MDH2: variants seen among roughly 807,000 people sequenced by gnomAD.
MDH2 encodes the protein malate dehydrogenase, mitochondrial.
Under a neutral mutation model 33.6 loss-of-function variants are expected in MDH2, and 25 were observed. The ratio of observed to expected loss-of-function variants is 0.74; its 90% CI spans 0.54 to 1.04. MDH2 has a LOEUF of 1.04. Among genes scored for constraint, MDH2 ranks in the 50% least tolerant of loss-of-function variants. The pLI is 0.00. For synonymous variants in MDH2, 193 were observed against 188.7 expected (o/e 1.02, Z -0.19); for missense variants, 432 against 445.0 (o/e 0.97, Z 0.26).
chr7:76,048,340 C>T lies in MDH2; in HGVS notation c.66+114C>T. ...CAGGCCAGCCTGGACCGCAGGGATGCCCGGCACTGGCTGGAGACTGTGGCG... is the reference window on the plus strand; with the variant it reads ...CAGGCCAGCCTGGACCGCAGGGATGTCCGGCACTGGCTGGAGACTGTGGCG... On this transcript the variant is annotated intron_variant, in intron 1 of 8. Transcript: ENST00000315758. 2 of 1,383,664 alleles carry T rather than the reference C, an allele frequency of 1.4e-6. 1 individual carries two copies. The highest frequency in any genetic ancestry group is 2.9e-5 in the South Asian group (2 of 68,012). 85.7% of individuals were successfully genotyped at this position (1,383,664 alleles called of 1,614,324 possible).
intron 1 of MDH2, chr7:76,048,993 G>GGGGT: frequency 3.3e-6 from 1 of 303,688 alleles, no homozygotes; most frequent in Non-Finnish European, 4.1e-6. Context: ...GGGGGGGGGG[G>GGGGT]GGGGGTCCGC....
chr7:76,065,056 T>G, intron 8 of MDH2, 103 bp downstream of exon 8: 1 of 1,386,774 alleles, frequency 7.2e-7, no homozygotes. Context: ...TAAGCTCATG[T>G]GCCTGCCTGG....
At chr7:76,056,672 GT>G (rs1453599846) in intron 2 of MDH2, among the ~76,000 whole-genome samples, 2 of 152,216 alleles carry the variant, frequency 1.3e-5, no homozygotes, top group Non-Finnish European at 2.9e-5. Context: ...AATATTTAGA[GT>G]CTTTCAGCAC....
At chr7:76,050,664 G>A (rs1377920288) in intron 1 of MDH2, among the ~76,000 whole-genome samples, 2 of 152,320 alleles carry the variant, frequency 1.3e-5, no homozygotes, top group East Asian at 3.9e-4. Flanking sequence ...TCTTAGGAGT[G>A]AGAGAAAGGT....
rs1462082487 is a variant in MDH2 at position 76,066,563 on chromosome 7, G to A, written c.*153G>A. 28 of 920,972 alleles carry A rather than the reference G, an allele frequency of 3.0e-5. No individual in the cohort carries two copies. The highest frequency in any genetic ancestry group is 5.1e-5 in the African/African-American group (3 of 58,480). The allele number at this position is 920,972 out of a possible 1,614,324, so 57.1% of individuals were successfully genotyped here. A position where few individuals can be genotyped will look rare whatever the true frequency, so the allele number is the denominator to read the frequency against. Reference sequence around the variant, plus strand: ...CCAAATTGTGGGTGGCTCTGTGGGCGCATCAATAAAAGCCGTCCTTGATTT... The same window carrying A: ...CCAAATTGTGGGTGGCTCTGTGGGCACATCAATAAAAGCCGTCCTTGATTT... On this transcript the variant is annotated 3_prime_UTR_variant, in exon 9 of 9. Transcript: ENST00000315758.
At chr7:76,060,799 G>C (rs1554586908) in intron 5 of MDH2, among the ~76,000 whole-genome samples, 1 of 151,854 alleles carries the variant, frequency 6.6e-6, no homozygotes, top group Non-Finnish European at 1.5e-5. Flanking sequence ...GGCTGGACTT[G>C]GACGGGGCTC....
intron 1 of MDH2, among the ~76,000 whole-genome samples, chr7:76,050,556 G>A (rs1585397510): frequency 6.6e-6 from 1 of 152,212 alleles, no homozygotes; most frequent in East Asian, 1.9e-4. Context: ...AACAGAACAG[G>A]CCTTGTAAAA....
At chr7:76,064,562 T>G in intron 7 of MDH2, 124 bp downstream of exon 7, 1 of 992,158 alleles carries the variant, frequency 1.0e-6, no homozygotes, top group Non-Finnish European at 1.5e-6. Flanking sequence ...TGCAGTTGCC[T>G]GGTGGAAAAT....
At chr7:76,053,576 G>C (rs574326721) in intron 1 of MDH2, among the ~76,000 whole-genome samples, 2 of 152,134 alleles carry the variant, frequency 1.3e-5, no homozygotes, top group Non-Finnish European at 1.5e-5. Context: ...GTCTTGATTC[G>C]GATTTTGGTT....
chr7:76,050,569 T>G (rs573864516), intron 1 of MDH2, among the ~76,000 whole-genome samples: 1 of 152,088 alleles, frequency 6.6e-6, no homozygotes, highest in Non-Finnish European at 1.5e-5. Flanking sequence ...TTGTAAAACT[T>G]TGGTATTTTC....
intron 1 of MDH2, 121 bp downstream of exon 1, chr7:76,048,347 C>G: frequency 7.3e-7 from 1 of 1,371,046 alleles, no homozygotes; most frequent in Non-Finnish European, 9.6e-7. Context: ...ATGCCCGGCA[C>G]TGGCTGGAGA....
At chr7:76,051,164 C>T (rs1178099541) in intron 1 of MDH2, among the ~76,000 whole-genome samples, 1 of 152,008 alleles carries the variant, frequency 6.6e-6, no homozygotes. Context: ...GGATTATAGA[C>T]GTGAGCCACC....
chr7:76,056,278 G>A (rs1349804164), intron 2 of MDH2, among the ~76,000 whole-genome samples: 1 of 152,086 alleles, frequency 6.6e-6, no homozygotes, highest in Non-Finnish European at 1.5e-5. Flanking sequence ...TCTTGTTGAA[G>A]TCTTAGAGTT....
chr7:76,061,476 A>G (rs1309596809), intron 5 of MDH2, among the ~76,000 whole-genome samples: 2 of 152,094 alleles, frequency 1.3e-5, no homozygotes, highest in Non-Finnish European at 2.9e-5. Flanking sequence ...AGACACTTGA[A>G]TCGAAGAGAC....
chr7:76,058,481 A>G (rs1382370944), intron 4 of MDH2, among the ~76,000 whole-genome samples: 1 of 152,176 alleles, frequency 6.6e-6, no homozygotes, highest in Admixed American at 6.5e-5. Context: ...AGGTGCCTGA[A>G]CCCTGAACCC....
intron 3 of MDH2, 70 bp downstream of exon 3, chr7:76,057,563 A>G: frequency 6.8e-7 from 1 of 1,479,188 alleles, no homozygotes; most frequent in Non-Finnish European, 9.4e-7. Flanking sequence ...ATTTCCTATT[A>G]AAAATGGATT....
intron 1 of MDH2, 38 bp downstream of exon 1, chr7:76,048,264 C>G: frequency 1.3e-6 from 2 of 1,524,730 alleles, no homozygotes; most frequent in South Asian, 2.4e-5. Flanking sequence ...GCGGAGGCCC[C>G]CCGGCCCGGG....
At chr7:76,049,101 A>C (rs1303221528) in intron 1 of MDH2, 1 of 984,908 alleles carries the variant, frequency 1.0e-6, no homozygotes, top group Non-Finnish European at 1.2e-6. Context: ...GGTAATTTTA[A>C]AGGGGAATCC....
intron 7 of MDH2, 41 bp downstream of exon 7, chr7:76,064,479 C>A (rs782575693): frequency 6.6e-7 from 1 of 1,523,966 alleles, no homozygotes; most frequent in Non-Finnish European, 9.0e-7. Flanking sequence ...GCCAGTGAGG[C>A]CCTGCGAGAG....
Sources: gnomAD v4.1 joint callset for allele counts (sites outside exome capture counted in the v4.1 genomes callset) on GRCh38, gnomAD v4.1.1 for gene constraint, MANE v1.5 for transcripts, NCBI Gene and HGNC (gene_info 2026-07-23, HGNC 2026-07-21) for gene names.